DRC11: variants seen among roughly 807,000 people sequenced by gnomAD.
The protein encoded by DRC11 is dynein regulatory complex subunit 11.
chr2:236,408,210 G>A, the DRC11 span: 18 of 772,836 alleles, frequency 2.3e-5, no homozygotes, highest in African/African-American at 5.1e-5. The surrounding 1 kb of genome is among the most constrained non-coding windows in gnomAD (Gnocchi z 5.5). Context: ...AGCCCTGGCC[G>A]ATCTTAGAGA....
chr2:236,331,704 A>G, the DRC11 span: 1 of 779,126 alleles, frequency 1.3e-6, no homozygotes, highest in Non-Finnish European at 2.1e-6. The surrounding 1 kb of genome is among the most constrained non-coding windows in gnomAD (Gnocchi z 4.8). Context: ...GAATACACAG[A>G]AGTCTACTCT....
At chr2:236,417,800 C>A in the DRC11 span, among the ~76,000 whole-genome samples, 1 of 151,912 alleles carries the variant, frequency 6.6e-6, no homozygotes, top group Non-Finnish European at 1.5e-5. Flanking sequence ...CATTGTTCAA[C>A]TCCCACTTAT....
At chr2:236,324,254 T>G in the DRC11 span, 2 of 171,694 alleles carry the variant, frequency 1.2e-5, no homozygotes, top group African/African-American at 4.8e-5. This position sits in a 1 kb window ranked among gnomAD's most constrained non-coding sequence, Gnocchi z 5.7. Flanking sequence ...CATGGATTAA[T>G]AAAAAGCTAG....
At chr2:236,430,197 TAA>T in the DRC11 span, among the ~76,000 whole-genome samples, 1 of 135,872 alleles carries the variant, frequency 7.4e-6, no homozygotes, top group African/African-American at 3.0e-5. The surrounding 1 kb of genome is among the most constrained non-coding windows in gnomAD (Gnocchi z 6.0). Flanking sequence ...AATATACATA[TAA>T]CACACACACA....
the DRC11 span, among the ~76,000 whole-genome samples, chr2:236,489,831 G>A: frequency 2.0e-5 from 3 of 152,180 alleles, no homozygotes; most frequent in East Asian, 1.9e-4. Flanking sequence ...AAGCTGGGGC[G>A]AGAGGATCAC....
the DRC11 span, among the ~76,000 whole-genome samples, chr2:236,396,390 A>C: frequency 1.3e-5 from 2 of 152,064 alleles, no homozygotes; most frequent in South Asian, 4.1e-4. Context: ...TTCTAAGAGG[A>C]AGACATTTAA....
chr2:236,489,590 T>A, the DRC11 span, among the ~76,000 whole-genome samples: 80 of 152,002 alleles, frequency 5.3e-4, no homozygotes, highest in East Asian at 0.014. Flanking sequence ...TGTCCATGCA[T>A]GGATGGAAGC....
the DRC11 span, among the ~76,000 whole-genome samples, chr2:236,318,238 G>A: frequency 6.6e-6 from 1 of 151,500 alleles, no homozygotes; most frequent in Non-Finnish European, 1.5e-5. This position sits in a 1 kb window ranked among gnomAD's most constrained non-coding sequence, Gnocchi z 7.0. Context: ...CTGCTTTCCC[G>A]CTGCACTCGA....
the DRC11 span, among the ~76,000 whole-genome samples, chr2:236,338,953 C>T: frequency 3.9e-4 from 59 of 152,326 alleles, no homozygotes; most frequent in African/African-American, 1.4e-3. Flanking sequence ...TTCAGCACCC[C>T]AGGGAGGACG....
chr2:236,346,933 G>T, the DRC11 span, among the ~76,000 whole-genome samples: 3 of 152,226 alleles, frequency 2.0e-5, no homozygotes, highest in Admixed American at 2.0e-4. Context: ...CGACTGGTAA[G>T]GGAGGAGCAT....
At chr2:236,352,036 G>T in the DRC11 span, among the ~76,000 whole-genome samples, 1 of 152,204 alleles carries the variant, frequency 6.6e-6, no homozygotes, top group African/African-American at 2.4e-5. The surrounding 1 kb of genome is among the most constrained non-coding windows in gnomAD (Gnocchi z 7.0). Flanking sequence ...AGTAAAGGGG[G>T]ACAGTAGATG....
chr2:236,446,277 G>A, the DRC11 span, among the ~76,000 whole-genome samples: 2 of 152,128 alleles, frequency 1.3e-5, no homozygotes, highest in Non-Finnish European at 1.5e-5. This position sits in a 1 kb window ranked among gnomAD's most constrained non-coding sequence, Gnocchi z 6.2. Context: ...CACGCTACAC[G>A]AGGTGTAAAA....
the DRC11 span, among the ~76,000 whole-genome samples, chr2:236,344,245 C>T: frequency 2.7e-4 from 41 of 152,184 alleles, 1 homozygote; most frequent in Non-Finnish European, 5.3e-4. Flanking sequence ...AATAATAACT[C>T]CTATGTGTGC....
At chr2:236,397,123 C>A in the DRC11 span, among the ~76,000 whole-genome samples, 1 of 152,182 alleles carries the variant, frequency 6.6e-6, no homozygotes. The surrounding 1 kb of genome is among the most constrained non-coding windows in gnomAD (Gnocchi z 5.0). Flanking sequence ...GCCACAGGGG[C>A]GTGTGTAGCG....
the DRC11 span, chr2:236,331,282 C>G: frequency 9.5e-7 from 1 of 1,057,804 alleles, no homozygotes; most frequent in Non-Finnish European, 1.5e-6. This position sits in a 1 kb window ranked among gnomAD's most constrained non-coding sequence, Gnocchi z 4.8. Flanking sequence ...ATTCACGAAA[C>G]CCACGGAACT....
chr2:236,355,111 T>C, the DRC11 span, among the ~76,000 whole-genome samples: 3 of 152,234 alleles, frequency 2.0e-5, no homozygotes, highest in African/African-American at 7.2e-5. Context: ...TGGTTTGACG[T>C]GGCCTCCCAG....
At chr2:236,367,251 T>C in the DRC11 span, among the ~76,000 whole-genome samples, 13 of 148,428 alleles carry the variant, frequency 8.8e-5, no homozygotes, top group East Asian at 2.3e-3. This position sits in a 1 kb window ranked among gnomAD's most constrained non-coding sequence, Gnocchi z 4.8. Context: ...AAATATGATA[T>C]ATTTGTTATA....
the DRC11 span, among the ~76,000 whole-genome samples, chr2:236,356,506 G>A: frequency 2.0e-4 from 30 of 152,304 alleles, no homozygotes; most frequent in South Asian, 4.1e-3. Context: ...GCCACGCGAC[G>A]GTCTTGGGGC....
the DRC11 span, chr2:236,454,989 C>T: frequency 6.6e-6 from 1 of 152,246 alleles, no homozygotes; most frequent in Non-Finnish European, 1.5e-5. The surrounding 1 kb of genome is among the most constrained non-coding windows in gnomAD (Gnocchi z 5.3). Context: ...TTTCTCCCCT[C>T]CTCCATCTTT....
Sources: gnomAD v4.1 joint callset for allele counts (sites outside exome capture counted in the v4.1 genomes callset) on GRCh38, gnomAD v4.1.1 for gene constraint, Gnocchi (gnomAD v3.1) non-coding constraint, MANE v1.5 for transcripts, NCBI Gene and HGNC (gene_info 2026-07-23, HGNC 2026-07-21) for gene names.